FOXP1: variants seen among roughly 807,000 people sequenced by gnomAD.
FOXP1 encodes the protein forkhead box protein P1.
Under a neutral mutation model 98.2 loss-of-function variants are expected in FOXP1, and 15 were observed. The observed-to-expected ratio is 0.15, with a 90% CI of 0.10 to 0.24. The LOEUF (loss-of-function observed/expected upper bound fraction) is 0.24. Among genes scored for constraint, FOXP1 ranks in the 10% least tolerant of loss-of-function variants. The pLI is 1.00. For missense variants in FOXP1, 633 were observed against 848.5 expected, an observed-to-expected ratio of 0.75 and a Z score of 3.15; for synonymous variants, 371 against 314.5, an observed-to-expected ratio of 1.18 and a Z score of -1.90.
intron 2 of FOXP1, among the ~76,000 whole-genome samples, chr3:71,544,066 T>C (rs1373065845): frequency 1.3e-5 from 2 of 152,006 alleles, no homozygotes; most frequent in Admixed American, 6.6e-5. Context: ...CACATACATA[T>C]ACACACATAT....
chr3:71,130,464 G>A, intron 6 of FOXP1: 1 of 1,591,828 alleles, frequency 6.3e-7, no homozygotes, highest in Non-Finnish European at 8.5e-7. Context: ...GTTTAACCCA[G>A]CAAAAAAATG....
At chr3:71,505,795 T>C (rs989561485) in intron 2 of FOXP1, among the ~76,000 whole-genome samples, 1 of 152,148 alleles carries the variant, frequency 6.6e-6, no homozygotes, top group Non-Finnish European at 1.5e-5. Context: ...GAATCACAAC[T>C]GTGGGCATCG....
At chr3:71,047,124 A>G (rs2049126817) in intron 9 of FOXP1, 29 bp from the exon 10 acceptor site, 2 of 1,613,490 alleles carry the variant, frequency 1.2e-6, no homozygotes, top group Non-Finnish European at 1.7e-6. Flanking sequence ...AAAAAATGAG[A>G]TGGCCACTTC....
intron 2 of FOXP1, among the ~76,000 whole-genome samples, chr3:71,563,657 G>A (rs80263298): frequency 0.013 from 1,994 of 152,292 alleles, 115 homozygotes; most frequent in Admixed American, 0.1. Context: ...AGAATATGAG[G>A]ATATATGTAA....
intron 5 of FOXP1, among the ~76,000 whole-genome samples, chr3:71,244,688 T>C (rs2067576798): frequency 6.6e-6 from 1 of 151,632 alleles, no homozygotes; most frequent in Admixed American, 6.6e-5. Context: ...CCACAACTGG[T>C]GGCATTTTTT....
At chr3:71,563,202 A>C (rs1203888769) in intron 2 of FOXP1, among the ~76,000 whole-genome samples, 1 of 152,146 alleles carries the variant, frequency 6.6e-6, no homozygotes, top group East Asian at 1.9e-4. Flanking sequence ...TAGGGGAGAG[A>C]TGCAAAAGCT....
intron 6 of FOXP1, among the ~76,000 whole-genome samples, chr3:71,168,888 G>A (rs191602138): frequency 1.3e-5 from 2 of 152,278 alleles, no homozygotes; most frequent in African/African-American, 4.8e-5. Context: ...GAAAGAGACA[G>A]GTTATAGATG....
chr3:71,326,967 T>C (rs999746249), intron 4 of FOXP1, among the ~76,000 whole-genome samples: 10 of 152,146 alleles, frequency 6.6e-5, no homozygotes, highest in African/African-American at 2.2e-4. Context: ...CTTATCTCCA[T>C]TGAACAGATG....
chr3:71,176,263 C>T (rs1034403820), intron 6 of FOXP1, among the ~76,000 whole-genome samples: 9 of 152,274 alleles, frequency 5.9e-5, no homozygotes, highest in African/African-American at 2.2e-4. Context: ...TGTTCCCAAA[C>T]ACAAGGGCAA....
rs138732103 is a variant in FOXP1, at chr3:71,455,363, C to A, written c.-168+38063G>T. Among the ~76,000 whole-genome samples the A allele has an allele frequency of 3.5e-3, 539 of 152,220 alleles. 8 individuals are homozygous for A. Among genetic ancestry groups the A allele is most frequent in the Admixed American group, 0.032 (493 of 15,290 alleles). On this transcript the variant is annotated intron_variant, in intron 3 of 20. Transcript: ENST00000649528. ...AATCTAATATTCACTTTGTCTAGGA[C>A]CAAACCAACTCCAACTAATTTAACA...
At chr3:71,572,517 TTA>T (rs1166884498) in intron 2 of FOXP1, 1 of 152,174 alleles carries the variant, frequency 6.6e-6, no homozygotes, top group African/African-American at 2.4e-5. Context: ...TGTTTATTTT[TTA>T]AAAAAGCAAG....
intron 6 of FOXP1, among the ~76,000 whole-genome samples, chr3:71,169,687 T>C (rs1023977311): frequency 3.4e-5 from 5 of 148,418 alleles, no homozygotes; most frequent in African/African-American, 1.2e-4. Flanking sequence ...TGAGAAAATA[T>C]AAAACAGGGT....
At chr3:71,136,774 G>T (rs2059837053) in intron 6 of FOXP1, among the ~76,000 whole-genome samples, 1 of 151,074 alleles carries the variant, frequency 6.6e-6, no homozygotes, top group Non-Finnish European at 1.5e-5. Context: ...TGAAGAACAG[G>T]TTTTTACATT....
At chr3:71,381,966 A>T (rs956328112) in intron 3 of FOXP1, among the ~76,000 whole-genome samples, 1 of 151,810 alleles carries the variant, frequency 6.6e-6, no homozygotes, top group African/African-American at 2.4e-5. Context: ...CAAATGACTG[A>T]ATTAACATTA....
At chr3:71,479,737 A>C (rs1239873651) in intron 3 of FOXP1, among the ~76,000 whole-genome samples, 1 of 152,074 alleles carries the variant, frequency 6.6e-6, no homozygotes, top group African/African-American at 2.4e-5. Context: ...AAAAGACCAT[A>C]AACTACATCA....
Position 71,029,448 on chromosome 3 carries a change from T to G in FOXP1, c.869+11880A>C, listed in dbSNP as rs1314132973. Reference sequence around the variant, plus strand: ...CTCTGTCACCCAGGCTGGAGTGCAGTGGTGTGATCTCGGCTCACTGCAACC... The same window carrying G: ...CTCTGTCACCCAGGCTGGAGTGCAGGGGTGTGATCTCGGCTCACTGCAACC... On this transcript the variant is annotated intron_variant, in intron 11 of 20. Coordinates refer to ENST00000649528, the MANE Select transcript of FOXP1 (RefSeq NM_001349338.3). Among the ~76,000 whole-genome samples, 2 of 152,072 alleles carry G rather than the reference T, an allele frequency of 1.3e-5. 1 individual carries two copies. The highest frequency in any genetic ancestry group is 4.8e-5 in the African/African-American group (2 of 41,404).
chr3:70,972,030 A>G (rs1303275085), intron 18 of FOXP1: 2 of 1,449,524 alleles, frequency 1.4e-6, no homozygotes, highest in African/African-American at 1.4e-5. Flanking sequence ...AGCTCGTCAA[A>G]GTTTTCATCG....
chr3:71,168,921 T>C (rs2061512142), intron 6 of FOXP1, among the ~76,000 whole-genome samples: 1 of 152,180 alleles, frequency 6.6e-6, no homozygotes, highest in African/African-American at 2.4e-5. Context: ...ACTTTGCGAT[T>C]TAATTACTTC....
chr3:71,498,093 T>G (rs2091539065), intron 2 of FOXP1, among the ~76,000 whole-genome samples: 1 of 152,144 alleles, frequency 6.6e-6, no homozygotes, highest in Admixed American at 6.5e-5. Flanking sequence ...CCAAGTCCTG[T>G]GGCTACTCCA....
Sources: gnomAD v4.1 joint callset for allele counts (sites outside exome capture counted in the v4.1 genomes callset) on GRCh38, gnomAD v4.1.1 for gene constraint, MANE v1.5 for transcripts, NCBI Gene and HGNC (gene_info 2026-07-23, HGNC 2026-07-21) for gene names.